PCDHA6: variants seen among roughly 807,000 people sequenced by gnomAD.
PCDHA6 encodes protocadherin alpha-6.
In PCDHA6, 55 loss-of-function variants were observed where a neutral mutation model predicts 60.3. The ratio of observed to expected loss-of-function variants is 0.91; its 90% CI spans 0.73 to 1.14. The LOEUF (loss-of-function observed/expected upper bound fraction) is 1.14. Ranked by LOEUF, PCDHA6 falls within the 50% of genes most tolerant of loss-of-function variation. The pLI is 0.00. For missense variants in PCDHA6, 1,327 were observed against 1,256.5 expected, an observed-to-expected ratio of 1.06 and a Z score of -0.85; for synonymous variants, 652 against 557.9, an observed-to-expected ratio of 1.17 and a Z score of -2.38.
At chr5:141,009,455 A>G in intron 3 of PCDHA6, 172 bp from the exon 4 acceptor site, 1 of 946,862 alleles carries the variant, frequency 1.1e-6, no homozygotes, top group Non-Finnish European at 1.3e-6. Flanking sequence ...AAAAAATTAA[A>G]CAAATAAATA....
chr5:140,849,581 C>A, intron 1 of PCDHA6: 7 of 1,598,698 alleles, frequency 4.4e-6, no homozygotes, highest in African/African-American at 2.7e-5. Flanking sequence ...TAAAAGAGGA[C>A]GCACAACTGG....
At position 140,828,231 on chromosome 5, in the gene PCDHA6, G is replaced by A. The variant is rs1554131117; in HGVS notation, c.140G>A (p.Arg47Gln). The A allele has an allele frequency of 1.2e-6, 2 of 1,613,882 alleles. No individual in the cohort carries two copies. The highest frequency in any genetic ancestry group is 1.7e-5 in the Admixed American group (1 of 60,032). The change falls in exon 1 of 4, where the codon CGG becomes CAG. Residue 47 changes from arginine to glutamine, a missense_variant. Arg to Gln is a conservative substitution (Grantham distance 43, BLOSUM62 1). Transcript: ENST00000529310. Reference sequence around the variant, plus strand: ...GCCAAACACGGCACCTTCGTGGGCCGGATCGCGCAGGACCTGGGGCTGGAG... The same window carrying A: ...GCCAAACACGGCACCTTCGTGGGCCAGATCGCGCAGGACCTGGGGCTGGAG... ...EEAKHGTFVG[R>Q]IAQDLGLELA...
chr5:140,939,967 C>T (rs527732118), intron 1 of PCDHA6, among the ~76,000 whole-genome samples: 8 of 152,210 alleles, frequency 5.3e-5, no homozygotes, highest in African/African-American at 1.7e-4. Context: ...AAGTGTTCCA[C>T]GATGAATAGT....
chr5:140,979,033 C>T, intron 2 of PCDHA6, 26 bp downstream of exon 2: 1 of 1,613,044 alleles, frequency 6.2e-7, no homozygotes, highest in Non-Finnish European at 8.5e-7. Flanking sequence ...CTCATTCACT[C>T]AGAAGTAACC....
chr5:140,922,272 G>A (rs547313117), intron 1 of PCDHA6, among the ~76,000 whole-genome samples: 37 of 152,312 alleles, frequency 2.4e-4, no homozygotes, highest in African/African-American at 8.7e-4. Flanking sequence ...ATGAAGATTG[G>A]ACCAAGATAT....
At chr5:140,849,842 C>A (rs2150452935) in intron 1 of PCDHA6, 1 of 1,598,534 alleles carries the variant, frequency 6.3e-7, no homozygotes, top group Non-Finnish European at 8.6e-7. Context: ...CCGACGTGAA[C>A]GACAACGCAC....
chr5:140,968,208 AC>A, intron 1 of PCDHA6: 1 of 1,614,022 alleles, frequency 6.2e-7, no homozygotes, highest in Non-Finnish European at 8.5e-7. Context: ...ATACAGGAGA[AC>A]AATTTGCCAG....
intron 1 of PCDHA6, chr5:140,835,471 C>A (rs1453069564): frequency 1.2e-6 from 2 of 1,613,816 alleles, no homozygotes; most frequent in Admixed American, 1.7e-5. Context: ...CCAGAGGACG[C>A]CCAACCAGGT....
At chr5:140,917,324 C>CGGGGGGGGG (rs1299895515) in intron 1 of PCDHA6, among the ~76,000 whole-genome samples, 1 of 76,048 alleles carries the variant, frequency 1.3e-5, no homozygotes, top group Non-Finnish European at 2.9e-5. Context: ...GTTCATGTGG[C>CGGGGGGGGG]GGGGGAGGGG....
chr5:140,854,108 AC>A lies in PCDHA6; in HGVS notation c.2394+23624del, dbSNP rs1233972098. The A allele has an allele frequency of 1.0e-4, 31 of 299,428 alleles. 3 individuals are homozygous for A. Among genetic ancestry groups the A allele is most frequent in the Non-Finnish European group, 1.4e-4 (30 of 208,480 alleles). The allele number at this position is 299,428 out of a possible 1,614,324, so 18.5% of individuals were successfully genotyped here. A position where few individuals can be genotyped will look rare whatever the true frequency, so the allele number is the denominator to read the frequency against. On this transcript the variant is annotated intron_variant, in intron 1 of 3. Transcript: ENST00000529310. ...GCCTGGGACATTGAGGCTGCAGTGA[AC>A]TGTGATGGCACAACTGCATTTCAGC...
chr5:140,850,487 T>C (rs2150486193), intron 1 of PCDHA6: 2 of 1,597,790 alleles, frequency 1.3e-6, no homozygotes, highest in East Asian at 2.2e-5. Flanking sequence ...CCACGGCCAC[T>C]GTGCTGGTGT....
chr5:140,974,328 C>G (rs2096623040), intron 1 of PCDHA6, among the ~76,000 whole-genome samples: 1 of 152,198 alleles, frequency 6.6e-6, no homozygotes, highest in Admixed American at 6.5e-5. Flanking sequence ...AGCTGCTGTG[C>G]TAGCAGGCTA....
intron 1 of PCDHA6, among the ~76,000 whole-genome samples, chr5:140,942,516 G>C (rs1172442572): frequency 2.0e-5 from 3 of 152,004 alleles, no homozygotes; most frequent in African/African-American, 7.3e-5. Flanking sequence ...AAACTCAGAG[G>C]GGAAGCAACT....
chr5:140,841,148 C>T, intron 1 of PCDHA6: 1 of 776,052 alleles, frequency 1.3e-6, no homozygotes, highest in Non-Finnish European at 2.0e-6. Context: ...CATGATGTCG[C>T]TGTCTACCAA....
chr5:140,842,598 C>T lies in PCDHA6; in HGVS notation c.2394+12113C>T, dbSNP rs1554139208. Reference sequence around the variant, plus strand: ...GTGTCGGCCTATGAGTTGGTGGTAACCGCGCGGGACGGGGGCTCGCCTTCG... The same window carrying T: ...GTGTCGGCCTATGAGTTGGTGGTAATCGCGCGGGACGGGGGCTCGCCTTCG... On this transcript the variant is annotated intron_variant, in intron 1 of 3. Transcript: ENST00000529310. 3 of 1,542,098 alleles carry T rather than the reference C, an allele frequency of 1.9e-6. 1 individual carries two copies. Among genetic ancestry groups the T allele is most frequent in the Non-Finnish European group, 2.7e-6 (3 of 1,131,600 alleles).
In PCDHA6 at chr5:140,851,110, A is replaced by G. The variant is rs2041963644; in HGVS notation, c.2394+20625A>G. On this transcript the variant is annotated intron_variant, in intron 1 of 3. Transcript: ENST00000529310. ...TAAATAGATATTTTTTGGGTGCTGA[A>G]TCAATTTTATTTAAATTTGTGATTA... 1.5e-6 allele frequency: 2 copies of G among 1,302,324 alleles called. 1 individual carries two copies. The highest frequency in any genetic ancestry group is 2.0e-6 in the Non-Finnish European group (2 of 1,004,926). 80.7% of individuals were successfully genotyped at this position (1,302,324 alleles called of 1,614,324 possible). A position where few individuals can be genotyped will look rare whatever the true frequency, so the allele number is the denominator to read the frequency against.
At chr5:140,883,384 CAG>C (rs1554177987) in intron 1 of PCDHA6, 2 of 1,614,072 alleles carry the variant, frequency 1.2e-6, no homozygotes, top group African/African-American at 2.7e-5. Context: ...TTGCCCTAAT[CAG>C]TGTGTCCGAT....
chr5:140,961,970 G>A (rs1282918892), intron 1 of PCDHA6, among the ~76,000 whole-genome samples: 1 of 150,888 alleles, frequency 6.6e-6, no homozygotes, highest in Non-Finnish European at 1.5e-5. Flanking sequence ...TGCAACCTCC[G>A]CCTCCTGGGT....
intron 1 of PCDHA6, among the ~76,000 whole-genome samples, chr5:140,946,707 A>C (rs2094013917): frequency 6.7e-6 from 1 of 150,204 alleles, no homozygotes; most frequent in East Asian, 1.9e-4. Context: ...TCTGGAGGTC[A>C]TTATGTTTAG....
Sources: gnomAD v4.1 joint callset for allele counts (sites outside exome capture counted in the v4.1 genomes callset) on GRCh38, gnomAD v4.1.1 for gene constraint, MANE v1.5 for transcripts, NCBI Gene and HGNC (gene_info 2026-07-23, HGNC 2026-07-21) for gene names.